The following CECR2 variants were observed in gnomAD, a reference collection of about 807,000 sequenced individuals.
CECR2 encodes chromatin remodeling regulator CECR2.
In CECR2, 30 loss-of-function variants were observed where a neutral mutation model predicts 154.5. The ratio of observed to expected loss-of-function variants is 0.19; its 90% confidence interval spans 0.15 to 0.26. The LOEUF (loss-of-function observed/expected upper bound fraction) is 0.26, where lower values mean the gene tolerates loss of function less well. Among genes scored for constraint, CECR2 ranks in the 10% least tolerant of loss-of-function variants. The pLI is 1.00. For synonymous variants in CECR2, 725 were observed against 683.7 expected, an observed-to-expected ratio of 1.06 and a Z score of -0.94; for missense variants, 1,743 against 1,829.3, an observed-to-expected ratio of 0.95 and a Z score of 0.86.
Position 17,505,497 on chromosome 22 carries a change from C to T in CECR2, c.870+481C>T, listed in dbSNP as rs59310810. On this transcript the variant is annotated intron_variant, in intron 7 of 18. Coordinates refer to ENST00000262608, the MANE Select transcript of CECR2 (RefSeq NM_001290047.2). ...CATATTATCATGCATGTACACCCTA[C>T]TTCATGCATTTTCAAACATCCTTCA... Among the ~76,000 whole-genome samples the T allele has an allele frequency of 5.1e-3, 754 of 148,830 alleles. 7 individuals are homozygous for T. Among genetic ancestry groups the T allele is most frequent in the African/African-American group, 0.018 (715 of 40,370 alleles).
chr22:17,481,286 T>C (rs2146809106), intron 2 of CECR2, among the ~76,000 whole-genome samples: 1 of 136,944 alleles, frequency 7.3e-6, no homozygotes, highest in South Asian at 2.2e-4. Context: ...GAGGTTGCAG[T>C]GAGCCAAGAT....
At chr22:17,532,099 G>A (rs561811804) in intron 9 of CECR2, among the ~76,000 whole-genome samples, 1 of 152,220 alleles carries the variant, frequency 6.6e-6, no homozygotes, top group South Asian at 2.1e-4. Context: ...GAGCCCAGGA[G>A]GTCAAGGCTG....
chr22:17,430,825 G>T (rs545181210), intron 1 of CECR2, among the ~76,000 whole-genome samples: 1 of 152,086 alleles, frequency 6.6e-6, no homozygotes, highest in East Asian at 1.9e-4. Flanking sequence ...AATTGCATTG[G>T]CTACGTAAGT....
intron 1 of CECR2, among the ~76,000 whole-genome samples, chr22:17,380,103 C>T (rs5746359): frequency 0.12 from 18,749 of 151,804 alleles, 1,878 homozygotes; most frequent in African/African-American, 0.27. Flanking sequence ...TCTACTCATG[C>T]CCTAGGGTTT....
chr22:17,483,414 T>C (rs533174409), intron 2 of CECR2, among the ~76,000 whole-genome samples: 44 of 151,962 alleles, frequency 2.9e-4, no homozygotes, highest in African/African-American at 1.0e-3. Context: ...TAAAAATAAA[T>C]GAATTAGCTG....
At chr22:17,459,680 C>G (rs114495252) in intron 1 of CECR2, among the ~76,000 whole-genome samples, 83 of 152,276 alleles carry the variant, frequency 5.5e-4, no homozygotes, top group African/African-American at 1.9e-3. Flanking sequence ...AAGCCACATG[C>G]CAAAATTATT....
intron 8 of CECR2, among the ~76,000 whole-genome samples, chr22:17,521,643 G>C (rs1317314272): frequency 6.6e-6 from 1 of 152,054 alleles, no homozygotes; most frequent in Non-Finnish European, 1.5e-5. Context: ...TGTACATTCT[G>C]GATATCAGCC....
At chr22:17,396,145 G>A (rs1342219002) in intron 1 of CECR2, among the ~76,000 whole-genome samples, 1 of 151,698 alleles carries the variant, frequency 6.6e-6, no homozygotes, top group African/African-American at 2.4e-5. Flanking sequence ...GAGAGGGTGA[G>A]GTGGGAGGAT....
At chr22:17,522,263 T>C (rs2056171914) in intron 8 of CECR2, among the ~76,000 whole-genome samples, 1 of 152,206 alleles carries the variant, frequency 6.6e-6, no homozygotes, top group Non-Finnish European at 1.5e-5. Flanking sequence ...CAAAGGCAAA[T>C]AGTTTTGTTT....
chr22:17,523,311 A>G (rs1455313639), intron 8 of CECR2, among the ~76,000 whole-genome samples: 1 of 151,058 alleles, frequency 6.6e-6, no homozygotes, highest in Non-Finnish European at 1.5e-5. Context: ...TTGAACTGGG[A>G]GGCAGAGGTT....
intron 1 of CECR2, among the ~76,000 whole-genome samples, chr22:17,385,384 T>C (rs2063246507): frequency 6.6e-6 from 1 of 152,194 alleles, no homozygotes. Flanking sequence ...TCCTTACACT[T>C]GAACACTTAA....
In CECR2 at chr22:17,548,347, G is replaced by T. The variant is rs2056647409; in HGVS notation, c.3060G>T (p.Lys1020Asn). 1 of 1,612,334 alleles carries T rather than the reference G, an allele frequency of 6.2e-7. No homozygotes were observed. The highest frequency in any genetic ancestry group is 1.7e-5 in the Admixed American group (1 of 59,704). ...SESADNCKAM[K>N]GKNPWPSDSS... ...CTGCGGACAACTGTAAAGCAATGAA[G>T]GGCAAGAATCCCTGGCCCTCGGATA... The change falls in exon 17 of 19, where the codon AAG (lysine) becomes AAT (asparagine). Residue 1020 changes from lysine (K) to asparagine (N), a missense_variant. Physicochemically the swap from Lys to Asn is moderately conservative, Grantham distance 94 (BLOSUM62 0). Around this residue, in one of 4 missense-constraint regions of CECR2, gnomAD observed 1,250 missense variants for 1,192.1 expected, o/e 1.05. Coordinates refer to ENST00000262608, the MANE Select transcript of CECR2 (RefSeq NM_001290047.2).
intron 8 of CECR2, chr22:17,518,876 C>A: frequency 4.1e-6 from 1 of 244,090 alleles, no homozygotes; most frequent in Non-Finnish European, 8.2e-6. Flanking sequence ...CTCTTAGTAT[C>A]CTTCCTTCTC....
In CECR2 at chr22:17,499,514, G is replaced by A; in HGVS notation, c.510G>A (p.Val170=). The change falls in exon 4 of 19, where the codon GTG becomes GTA. Residue 170 remains valine (V), a synonymous_variant. Coordinates refer to ENST00000262608, the MANE Select transcript of CECR2 (RefSeq NM_001290047.2). ...YGTRMYKEDP[V]QGKSNGELSL... ...CACGAATGTACAAAGAGGACCCGGT[G>A]CAAGGAAAATCCAATGGAGAACTCT... The A allele has an allele frequency of 6.2e-7, 1 of 1,613,080 alleles. No individual in the cohort carries two copies. Among genetic ancestry groups the A allele is most frequent in the Non-Finnish European group, 8.5e-7 (1 of 1,179,472 alleles).
At chr22:17,437,158 A>G (rs1048205396) in intron 1 of CECR2, among the ~76,000 whole-genome samples, 1 of 151,986 alleles carries the variant, frequency 6.6e-6, no homozygotes, top group Non-Finnish European at 1.5e-5. Context: ...GTGCCATTAG[A>G]TGGTCTTGCC....
At chr22:17,439,579 T>C (rs2054554173) in intron 1 of CECR2, among the ~76,000 whole-genome samples, 1 of 152,170 alleles carries the variant, frequency 6.6e-6, no homozygotes. Flanking sequence ...TGGCAAAAAT[T>C]ATTAAGTAAT....
intron 8 of CECR2, among the ~76,000 whole-genome samples, chr22:17,516,421 A>T (rs74430664): frequency 2.0e-4 from 30 of 152,178 alleles, no homozygotes; most frequent in African/African-American, 7.2e-4. Context: ...TATTACGATA[A>T]ATCCCTTCTT....
chr22:17,375,029 A>T (rs1315390119), intron 1 of CECR2, among the ~76,000 whole-genome samples: 2 of 152,134 alleles, frequency 1.3e-5, no homozygotes, highest in Non-Finnish European at 2.9e-5. Context: ...GGCTCTTAAT[A>T]GTGTGGGGTA....
chr22:17,462,229 C>A (rs1399124330), intron 1 of CECR2, among the ~76,000 whole-genome samples: 7 of 151,516 alleles, frequency 4.6e-5, no homozygotes, highest in South Asian at 2.1e-4. Context: ...ACGGTGAAAC[C>A]CTGTCTCTAC....
Sources: allele counts gnomAD v4.1 joint callset (sites outside exome capture counted in the v4.1 genomes callset), GRCh38; gene constraint gnomAD v4.1.1; regional missense constraint gnomAD v4.1.1; transcripts MANE v1.5; gene names NCBI Gene and HGNC (gene_info 2026-07-23, HGNC 2026-07-21).